Variants in DDAH1 observed in about 807,000 individuals in gnomAD.
The protein encoded by DDAH1 is dimethylarginine dimethylaminohydrolase 1.
In DDAH1, 19 loss-of-function variants were observed where a neutral mutation model predicts 28.8. The observed-to-expected ratio is 0.66, with a 90% CI of 0.46 to 0.97. The LOEUF (loss-of-function observed/expected upper bound fraction) is 0.97. DDAH1 is among the 50% of genes least tolerant of loss of function. The pLI, the probability that DDAH1 is intolerant of heterozygous loss-of-function variation, is 0.00. For synonymous variants in DDAH1, 153 were observed against 154.4 expected (o/e 0.99, Z 0.07); for missense variants, 326 against 375.9 (o/e 0.87, Z 1.10).
intron 2 of DDAH1, among the ~76,000 whole-genome samples, chr1:85,477,130 G>A (rs761455881): frequency 3.9e-5 from 6 of 152,156 alleles, no homozygotes; most frequent in Non-Finnish European, 7.4e-5. Flanking sequence ...AATCAGGAGT[G>A]GAGAGAAATT....
intron 2 of DDAH1, among the ~76,000 whole-genome samples, chr1:85,358,137 TAGA>T (rs1238429495): frequency 1.3e-5 from 2 of 152,206 alleles, no homozygotes; most frequent in African/African-American, 4.8e-5. Flanking sequence ...ATTCATGCTG[TAGA>T]AGAATAAAGT....
intron 2 of DDAH1, among the ~76,000 whole-genome samples, chr1:85,479,095 G>A (rs1414289346): frequency 6.6e-6 from 1 of 151,456 alleles, no homozygotes; most frequent in African/African-American, 2.4e-5. Flanking sequence ...TAGCCCAAGA[G>A]GTAGTAGGTG....
chr1:85,541,608 T>A (rs749002076), intron 1 of DDAH1, among the ~76,000 whole-genome samples: 8 of 152,212 alleles, frequency 5.3e-5, no homozygotes, highest in Non-Finnish European at 1.2e-4. Context: ...AAACCCTTCA[T>A]TTGGGTGGTA....
intron 1 of DDAH1, among the ~76,000 whole-genome samples, chr1:85,536,982 T>C (rs1658306415): frequency 8.4e-5 from 3 of 35,560 alleles, no homozygotes; most frequent in African/African-American, 1.2e-4. Context: ...TATATATATA[T>C]ATACGTATAT....
chr1:85,419,209 C>T (rs924479938), intron 1 of DDAH1, among the ~76,000 whole-genome samples: 16 of 151,934 alleles, frequency 1.1e-4, no homozygotes, highest in Admixed American at 5.9e-4. Context: ...TGGAATTGTG[C>T]GATGAAGTGC....
intron 4 of DDAH1, among the ~76,000 whole-genome samples, chr1:85,349,669 G>A (rs1649079695): frequency 6.6e-6 from 1 of 152,150 alleles, no homozygotes. Flanking sequence ...TTTATGAAGG[G>A]CCCACTGTGG....
At chr1:85,377,932 CAAATGTAT>C (rs1463654682) in intron 1 of DDAH1, among the ~76,000 whole-genome samples, 1 of 152,084 alleles carries the variant, frequency 6.6e-6, no homozygotes, top group Non-Finnish European at 1.5e-5. Context: ...GAACACTTGG[CAAATGTAT>C]ATATAACGTG....
intron 1 of DDAH1, among the ~76,000 whole-genome samples, chr1:85,554,519 T>G (rs978928821): frequency 6.6e-6 from 1 of 152,198 alleles, no homozygotes; most frequent in Non-Finnish European, 1.5e-5. Context: ...TATATTTCCC[T>G]CATGTAAATA....
chr1:85,536,978 T>A (rs1658304638), intron 1 of DDAH1, among the ~76,000 whole-genome samples: 1 of 84,574 alleles, frequency 1.2e-5, no homozygotes, highest in South Asian at 3.3e-4. Flanking sequence ...TATATATATA[T>A]ATATATACGT....
chr1:85,358,654 AAAAC>A, intron 2 of DDAH1, 90 bp downstream of exon 2: 2 of 1,041,118 alleles, frequency 1.9e-6, no homozygotes, highest in Non-Finnish European at 2.8e-6. Context: ...CTCAAAAACA[AAAAC>A]AAAAAAACAC....
intron 1 of DDAH1, among the ~76,000 whole-genome samples, chr1:85,368,215 A>T (rs1650175692): frequency 6.6e-6 from 1 of 152,208 alleles, no homozygotes; most frequent in Admixed American, 6.5e-5. Flanking sequence ...AGCTCTGTAT[A>T]TCAGAGCTGG....
intron 1 of DDAH1, among the ~76,000 whole-genome samples, chr1:85,506,291 AG>A (rs1657014023): frequency 6.6e-6 from 1 of 152,210 alleles, no homozygotes; most frequent in Admixed American, 6.5e-5. Flanking sequence ...AATGACAAAG[AG>A]GTCAGTGTGA....
intron 1 of DDAH1, among the ~76,000 whole-genome samples, chr1:85,560,408 T>C (rs560865710): frequency 1.3e-5 from 2 of 152,176 alleles, no homozygotes; most frequent in African/African-American, 4.8e-5. Context: ...ATGATAAACA[T>C]GTGAGTAAAT....
chr1:85,432,513 A>C (rs1184416645), intron 1 of DDAH1, among the ~76,000 whole-genome samples: 1 of 152,142 alleles, frequency 6.6e-6, no homozygotes, highest in Non-Finnish European at 1.5e-5. Flanking sequence ...CCTTTCCTGG[A>C]ATGGTCAGCT....
chr1:85,457,618 T>C (rs564109382), intron 1 of DDAH1, among the ~76,000 whole-genome samples: 1 of 152,332 alleles, frequency 6.6e-6, no homozygotes, highest in East Asian at 1.9e-4. Flanking sequence ...CACGCAATCA[T>C]GGCACTCATA....
rs763274941 is a variant in DDAH1, at chr1:85,350,516, C to G, written c.496G>C (p.Val166Leu). The change falls in exon 4 of 6, where the codon GTG becomes CTG. Residue 166 changes from valine (V) to leucine (L), a missense_variant. By Grantham distance (32) the Val-to-Leu change is conservative. Coordinates refer to ENST00000284031, the MANE Select transcript of DDAH1 (RefSeq NM_012137.4). ...DTFKDYAVST[V>L]PVADGLHLKS... ...AAATGCAACCCATCTGCCACTGGCA[C>G]TGTGGAGACTGCATAGTCCTACGTG... 2 of 1,614,124 alleles carry G rather than the reference C, an allele frequency of 1.2e-6. No homozygotes were observed. The highest frequency in any genetic ancestry group is 2.2e-5 in the South Asian group (2 of 91,088).
At chr1:85,411,533 G>C (rs947373865) in intron 1 of DDAH1, among the ~76,000 whole-genome samples, 2 of 152,156 alleles carry the variant, frequency 1.3e-5, no homozygotes. Context: ...GAGCTCATCT[G>C]GGGGCAGGGA....
chr1:85,503,668 T>C (rs796405827), intron 1 of DDAH1, among the ~76,000 whole-genome samples: 3 of 152,142 alleles, frequency 2.0e-5, no homozygotes, highest in African/African-American at 4.8e-5. Flanking sequence ...ATGCCTGCTA[T>C]CATGGAGCTT....
At chr1:85,341,642 G>A (rs1171165357) in intron 4 of DDAH1, among the ~76,000 whole-genome samples, 1 of 152,000 alleles carries the variant, frequency 6.6e-6, no homozygotes, top group Non-Finnish European at 1.5e-5. Flanking sequence ...GTAAAACCCC[G>A]TCTCTACTAA....
Sources: allele counts gnomAD v4.1 joint callset (sites outside exome capture counted in the v4.1 genomes callset), GRCh38; gene constraint gnomAD v4.1.1; transcripts MANE v1.5; gene names NCBI Gene and HGNC (gene_info 2026-07-23, HGNC 2026-07-21).